The following KMT2E variants were observed in gnomAD, a reference collection of about 807,000 sequenced individuals.
KMT2E encodes lysine methyltransferase 2E (inactive), also known as histone reader KMT2E.
KMT2E carries 30 observed loss-of-function variants against 184.6 expected under a neutral mutation model. That is an observed-to-expected ratio of 0.16 (90% CI 0.12 to 0.22). KMT2E has a LOEUF of 0.22. Ranked by LOEUF, KMT2E falls within the 10% of genes least tolerant of loss-of-function variation. The probability of loss-of-function intolerance (pLI) is 1.00; values close to 1 mark genes in which losing one functional copy is unlikely to be tolerated. For synonymous variants in KMT2E, 815 were observed against 776.5 expected (o/e 1.05, Z -0.82); for missense variants, 2,023 against 2,237.4 (o/e 0.90, Z 1.93).
At chr7:105,105,013 T>C (rs530608613) in intron 17 of KMT2E, 1 of 153,780 alleles carries the variant, frequency 6.5e-6, no homozygotes, top group South Asian at 2.0e-4. Context: ...CAAAATACTT[T>C]AAAAATTAGC....
At position 105,073,683 on chromosome 7, in the gene KMT2E, T is replaced by G. The variant is rs746100692; in HGVS notation, c.556+6T>G. ...GAAAAGGGAAAATATGTCAGGTAGG[T>G]AAAAAGGACCTACACTAAATTAAAA... On this transcript the variant is annotated splice_donor_region_variant and intron_variant, in intron 7 of 26. Coordinates refer to ENST00000311117, the MANE Select transcript of KMT2E (RefSeq NM_182931.3). 2 of 1,572,338 alleles carry G rather than the reference T, an allele frequency of 1.3e-6. No individual in the cohort carries two copies. Among genetic ancestry groups the G allele is most frequent in the African/African-American group, 2.7e-5 (2 of 74,012 alleles).
chr7:105,082,147 A>G (rs1018574955), intron 13 of KMT2E, among the ~76,000 whole-genome samples: 2 of 152,248 alleles, frequency 1.3e-5, no homozygotes, highest in African/African-American at 4.8e-5. Context: ...GTATGAATGA[A>G]TAATTTGTCT....
At chr7:105,099,532 A>G (rs998838590) in intron 15 of KMT2E, among the ~76,000 whole-genome samples, 5 of 152,242 alleles carry the variant, frequency 3.3e-5, no homozygotes, top group Admixed American at 6.5e-5. Flanking sequence ...TATATCATAT[A>G]GTTTTATCTC....
intron 17 of KMT2E, chr7:105,105,230 T>C: frequency 2.4e-6 from 1 of 416,914 alleles, no homozygotes; most frequent in Non-Finnish European, 4.2e-6. Context: ...TGTTTTGTTC[T>C]ACAAAATAAT....
chr7:105,087,284 G>GATATAATAT (rs201239140), intron 13 of KMT2E, among the ~76,000 whole-genome samples: 36,462 of 143,650 alleles, frequency 0.25, 6,583 homozygotes, highest in East Asian at 0.57. Flanking sequence ...ATATAAATAT[G>GATATAATAT]ATATAATATA....
intron 15 of KMT2E, among the ~76,000 whole-genome samples, chr7:105,096,247 CAAAAAAAA>C (rs11330758): frequency 1.7e-4 from 12 of 69,256 alleles, no homozygotes; most frequent in Non-Finnish European, 2.8e-4. Flanking sequence ...GTGAAAGGCT[CAAAAAAAA>C]AAAAAAAAAA....
chr7:105,033,021 C>A (rs895921605), intron 1 of KMT2E, among the ~76,000 whole-genome samples: 1 of 152,154 alleles, frequency 6.6e-6, no homozygotes, highest in Admixed American at 6.5e-5. Context: ...CAGGTGTGGA[C>A]ATTCCCCTGG....
At chr7:105,053,693 G>A (rs1294080238) in intron 3 of KMT2E, among the ~76,000 whole-genome samples, 2 of 152,094 alleles carry the variant, frequency 1.3e-5, no homozygotes, top group Non-Finnish European at 2.9e-5. Flanking sequence ...GGGCAACATA[G>A]TGAGACCCCT....
At chr7:105,084,766 T>G (rs1276219811) in intron 13 of KMT2E, among the ~76,000 whole-genome samples, 1 of 152,174 alleles carries the variant, frequency 6.6e-6, no homozygotes, top group Non-Finnish European at 1.5e-5. Flanking sequence ...GCATTTTACA[T>G]AGACACTCCC....
intron 3 of KMT2E, among the ~76,000 whole-genome samples, chr7:105,050,631 CTTTTCTCTTTTCTT>C (rs1220234370): frequency 7.2e-6 from 1 of 138,780 alleles, no homozygotes; most frequent in Non-Finnish European, 1.6e-5. Flanking sequence ...CTTTTCTTTT[CTTTTCTCTTTTCTT>C]TTTTCTTTCT....
At chr7:105,081,663 A>C in intron 12 of KMT2E, 25 bp from the exon 13 acceptor site, 2 of 1,047,714 alleles carry the variant, frequency 1.9e-6, no homozygotes, top group Non-Finnish European at 2.9e-6. Context: ...AATTTATGGT[A>C]ATGTACAATT....
chr7:105,025,033 A>G (rs1795116162), intron 1 of KMT2E, among the ~76,000 whole-genome samples: 1 of 152,160 alleles, frequency 6.6e-6, no homozygotes, highest in Non-Finnish European at 1.5e-5. Flanking sequence ...ATGTGTACTT[A>G]AGAGGAGTGC....
chr7:105,071,594 ATATATATATATATATTTTT>A (rs1797305195), intron 6 of KMT2E, among the ~76,000 whole-genome samples: 5 of 59,302 alleles, frequency 8.4e-5, no homozygotes, highest in African/African-American at 1.9e-4. Context: ...ATATATATAT[ATATATATATATATATTTTT>A]TTTTTTTTTT....
chr7:105,100,411 T>C (rs1283217487), intron 15 of KMT2E, among the ~76,000 whole-genome samples: 2 of 152,176 alleles, frequency 1.3e-5, no homozygotes, highest in Non-Finnish European at 2.9e-5. Context: ...TTTCTGATCT[T>C]TCTTCCTCAC....
rs999729458 is a variant in KMT2E, at chr7:105,077,281, TCAA to T, written c.1000-19_1000-17del. Reference sequence around the variant, plus strand: ...TGAAAACAAGCAAGTTTATTTAATCTCAACATTTACTCTGATTTTAGAGCCATA... The same window carrying T: ...TGAAAACAAGCAAGTTTATTTAATCTCATTTACTCTGATTTTAGAGCCATA... On this transcript the variant is annotated intron_variant, in intron 10 of 26. Transcript: ENST00000311117. 4 of 1,604,506 alleles carry T rather than the reference TCAA, an allele frequency of 2.5e-6. No homozygotes were observed. The highest frequency in any genetic ancestry group is 3.3e-4 in the Middle Eastern group (2 of 6,006).
At chr7:105,053,059 A>G (rs1192180209) in intron 3 of KMT2E, among the ~76,000 whole-genome samples, 1 of 152,218 alleles carries the variant, frequency 6.6e-6, no homozygotes, top group Non-Finnish European at 1.5e-5. Context: ...ACGGTGCTGT[A>G]TAATTGAATG....
At chr7:105,021,212 C>T (rs1794937379) in intron 1 of KMT2E, among the ~76,000 whole-genome samples, 1 of 152,186 alleles carries the variant, frequency 6.6e-6, no homozygotes, top group Admixed American at 6.5e-5. Context: ...CATAGTAACT[C>T]TTACCCAGAA....
intron 25 of KMT2E, 53 bp downstream of exon 25, chr7:105,110,655 CAAG>C (rs1799192867): frequency 1.1e-5 from 17 of 1,608,998 alleles, no homozygotes; most frequent in Admixed American, 3.3e-5. Context: ...TAAAATCAGA[CAAG>C]AGAGCCTTTA....
intron 1 of KMT2E, among the ~76,000 whole-genome samples, chr7:105,014,960 A>G (rs1794650025): frequency 6.6e-6 from 1 of 152,096 alleles, no homozygotes; most frequent in East Asian, 1.9e-4. Flanking sequence ...AAAGCCATAT[A>G]GGCCCCATTT....
Sources: gnomAD v4.1 joint callset for allele counts (sites outside exome capture counted in the v4.1 genomes callset) on GRCh38, gnomAD v4.1.1 for gene constraint, MANE v1.5 for transcripts, NCBI Gene and HGNC (gene_info 2026-07-23, HGNC 2026-07-21) for gene names.